Variants in TUBB8 observed in about 807,000 individuals in gnomAD.
TUBB8 encodes the protein tubulin beta 8 class VIII, also known as tubulin beta-8 chain.
TUBB8 carries 25 observed loss-of-function variants against 33.7 expected under a neutral mutation model. The observed-to-expected ratio is 0.74, with a 90% CI of 0.54 to 1.04. The LOEUF is 1.04. Among genes scored for constraint, TUBB8 ranks in the 50% least tolerant of loss-of-function variants. The probability of loss-of-function intolerance (pLI) is 0.00; values close to 1 mark genes in which losing one functional copy is unlikely to be tolerated. For synonymous variants in TUBB8, 245 were observed against 240.1 expected, an observed-to-expected ratio of 1.02 and a Z score of -0.19; for missense variants, 279 against 608.0, an observed-to-expected ratio of 0.46 and a Z score of 5.69.
Position 71,324 on chromosome 10 carries a change from G to A in TUBB8, c.-846+2645C>T, listed in dbSNP as rs543835563. The stretch of plus-strand genomic sequence containing the variant: ...AGTGAGACTGCATCTCAAAAAAAAA[G>A]AAAAAGAAAAAAGAAAAATACCGCA... On this transcript the variant is annotated intron_variant, in intron 1 of 3. Coordinates refer to the TUBB8 transcript ENST00000564130. Among the ~76,000 whole-genome samples, 901 of 144,752 alleles carry A rather than the reference G, an allele frequency of 6.2e-3. 7 individuals carry two copies. The highest frequency in any genetic ancestry group is 0.023 in the African/African-American group (862 of 37,892). 95.0% of individuals were successfully genotyped at this position (144,752 alleles called of 152,430 possible). A position where few individuals can be genotyped will look rare whatever the true frequency, so the allele number is the denominator to read the frequency against.
At chr10:70,707 G>A (rs1392401035) in intron 1 of TUBB8, among the ~76,000 whole-genome samples, 1 of 152,012 alleles carries the variant, frequency 6.6e-6, no homozygotes, top group African/African-American at 2.4e-5. Flanking sequence ...AGGCATGGTG[G>A]CGCAGACCTG....
chr10:56,142 G>A (rs1554740133), intron 1 of TUBB8, among the ~76,000 whole-genome samples: 2 of 151,986 alleles, frequency 1.3e-5, no homozygotes, highest in Non-Finnish European at 2.9e-5. Flanking sequence ...CCATTTTTTT[G>A]TCTTCTCTTT....
upstream of TUBB8, chr10:49,853 C>G (rs868992387): frequency 3.3e-5 from 9 of 269,052 alleles, no homozygotes; most frequent in Middle Eastern, 2.7e-3. Flanking sequence ...TGGTCTCCAG[C>G]AGAGTGAAGG....
At position 47,886 on chromosome 10, in the gene TUBB8, A is replaced by G. The variant is rs1834377715; in HGVS notation, c.506T>C (p.Ile169Thr). 1 of 1,614,086 alleles carries G rather than the reference A, an allele frequency of 6.2e-7. No individual in the cohort carries two copies. Among genetic ancestry groups the G allele is most frequent in the Non-Finnish European group, 8.5e-7 (1 of 1,180,054 alleles). Reference sequence around the variant, plus strand: ...GTCCGACACCTTGGGCGAGGGCAGGATGCTGAATGTGTTTATGATCCTGTC... The same window carrying G: ...GTCCGACACCTTGGGCGAGGGCAGGGTGCTGAATGTGTTTATGATCCTGTC... ...YPDRIINTFS[I>T]LPSPKVSDTV... is the part of the protein sequence containing the mutation. Residue 169 changes from isoleucine (I) to threonine (T), a missense_variant, in exon 4 of 4, where the codon ATC becomes ACC. Ile to Thr is a moderately conservative substitution (Grantham distance 89). Coordinates refer to ENST00000568584, the MANE Select transcript of TUBB8 (RefSeq NM_177987.3).
intron 1 of TUBB8, among the ~76,000 whole-genome samples, chr10:57,220 G>C (rs1299260562): frequency 6.6e-6 from 1 of 152,240 alleles, no homozygotes; most frequent in Non-Finnish European, 1.5e-5. Context: ...GGCTGGTATT[G>C]TGTGCCTCTG....
At chr10:74,185 G>T (rs1248159441), upstream of TUBB8, 1 of 148,330 alleles carries the variant, frequency 6.7e-6, no homozygotes, top group Non-Finnish European at 1.5e-5. Flanking sequence ...GCGCGCGCGC[G>T]GCCCTCCGGG....
In TUBB8 at chr10:48,504, G is replaced by A. The variant is rs537116652; in HGVS notation, c.277+111C>T. On this transcript the variant is annotated intron_variant, in intron 3 of 3. Coordinates refer to ENST00000568584, the MANE Select transcript of TUBB8 (RefSeq NM_177987.3). ...AGCGACTCGACTCGGAGGATAGGAG[G>A]GTGTTCAGGGGCCCTAGCTCCACAG... The A allele has an allele frequency of 2.1e-4, 212 of 1,021,192 alleles. 1 individual carries two copies. The African/African-American group carries it at 3.0e-3, about 14-fold the overall frequency. 63.3% of individuals were successfully genotyped at this position (1,021,192 alleles called of 1,614,324 possible).
At chr10:74,853 ACTGT>A (rs1834788701), upstream of TUBB8, among the ~76,000 whole-genome samples, 1 of 124,818 alleles carries the variant, frequency 8.0e-6, no homozygotes, top group Admixed American at 8.3e-5. Context: ...TAAAGATCCT[ACTGT>A]CTGTGCCAAT....
At chr10:54,277 T>C, upstream of TUBB8, among the ~76,000 whole-genome samples, 1 of 151,244 alleles carries the variant, frequency 6.6e-6, no homozygotes, top group South Asian at 2.1e-4. Flanking sequence ...CACAAACGAG[T>C]GAGAACATGT....
chr10:64,442 A>C (rs1370742544), intron 1 of TUBB8, among the ~76,000 whole-genome samples: 2 of 151,204 alleles, frequency 1.3e-5, no homozygotes, highest in Non-Finnish European at 2.9e-5. Flanking sequence ...CTTAACCCCT[A>C]ACCCTAACTC....
upstream of TUBB8, among the ~76,000 whole-genome samples, chr10:51,682 T>C (rs1278474807): frequency 6.6e-6 from 1 of 152,082 alleles, no homozygotes; most frequent in Non-Finnish European, 1.5e-5. Context: ...AAGGGTTGTG[T>C]CTGGAGGGTC....
chr10:51,197 G>A (rs1431443151), upstream of TUBB8, among the ~76,000 whole-genome samples: 1 of 152,088 alleles, frequency 6.6e-6, no homozygotes, highest in African/African-American at 2.4e-5. Flanking sequence ...TGCAACCTCT[G>A]ACTGCTGGGT....
intron 1 of TUBB8, among the ~76,000 whole-genome samples, chr10:68,825 T>C (rs1834703363): frequency 6.6e-6 from 1 of 152,198 alleles, no homozygotes; most frequent in Non-Finnish European, 1.5e-5. Context: ...CCCATTTCAC[T>C]TCACTGCCTG....
At chr10:57,735 CTG>C (rs2130940639) in intron 1 of TUBB8, among the ~76,000 whole-genome samples, 1 of 152,310 alleles carries the variant, frequency 6.6e-6, no homozygotes, top group South Asian at 2.1e-4. Context: ...GCCTCAGGGT[CTG>C]TGATGGGGGG....
At chr10:74,337 T>C (rs1433804631), upstream of TUBB8, among the ~76,000 whole-genome samples, 2 of 151,420 alleles carry the variant, frequency 1.3e-5, no homozygotes, top group Admixed American at 6.6e-5. Context: ...CGCATGGAGA[T>C]AGCAATCGAA....
chr10:58,918 C>T (rs1425588621), intron 1 of TUBB8, among the ~76,000 whole-genome samples: 1 of 152,020 alleles, frequency 6.6e-6, no homozygotes, highest in African/African-American at 2.4e-5. Context: ...TTTATTATTG[C>T]TTTCTCTTGT....
intron 1 of TUBB8, among the ~76,000 whole-genome samples, chr10:66,437 C>T (rs554361880): frequency 6.6e-6 from 1 of 152,290 alleles, no homozygotes; most frequent in South Asian, 2.1e-4. Flanking sequence ...TCTTTTGAAC[C>T]CAGGAGTTTC....
chr10:64,471 C>T (rs1324136604), intron 1 of TUBB8, among the ~76,000 whole-genome samples: 1 of 152,060 alleles, frequency 6.6e-6, no homozygotes, highest in East Asian at 1.9e-4. Flanking sequence ...TAACCCCAAC[C>T]CCAACACTAA....
upstream of TUBB8, chr10:49,711 C>T: frequency 2.6e-6 from 1 of 391,476 alleles, no homozygotes; most frequent in South Asian, 1.9e-5. Flanking sequence ...CTCAACAGGA[C>T]TCAATTATAC....
Sources: gnomAD v4.1 joint callset for allele counts (sites outside exome capture counted in the v4.1 genomes callset) on GRCh38, gnomAD v4.1.1 for gene constraint, MANE v1.5 for transcripts, NCBI Gene and HGNC (gene_info 2026-07-23, HGNC 2026-07-21) for gene names.